B3GAT1: variants seen among roughly 807,000 people sequenced by gnomAD.
B3GAT1 encodes the protein beta-1,3-glucuronyltransferase 1.
In B3GAT1, 11 loss-of-function variants were observed where a neutral mutation model predicts 28.4. The observed-to-expected ratio is 0.39, with a 90% CI of 0.24 to 0.64. The LOEUF is 0.64. Ranked by LOEUF, B3GAT1 falls within the 30% of genes least tolerant of loss-of-function variation. The probability of loss-of-function intolerance (pLI) is 0.50; values close to 1 mark genes in which losing one functional copy is unlikely to be tolerated. For missense variants in B3GAT1, 375 were observed against 491.0 expected, an observed-to-expected ratio of 0.76 and a Z score of 2.23; for synonymous variants, 255 against 223.1, an observed-to-expected ratio of 1.14 and a Z score of -1.27.
At chr11:134,402,879 C>T (rs553143150) in intron 1 of B3GAT1, among the ~76,000 whole-genome samples, 2 of 151,244 alleles carry the variant, frequency 1.3e-5, no homozygotes, top group African/African-American at 4.9e-5. Flanking sequence ...CGTCACTGCA[C>T]TCCAGCCTGG....
At chr11:134,381,300 G>A (rs1023624405) in intron 5 of B3GAT1, among the ~76,000 whole-genome samples, 3 of 152,204 alleles carry the variant, frequency 2.0e-5, no homozygotes, top group Non-Finnish European at 4.4e-5. Context: ...GGGCTTTAAA[G>A]ACTTGAATAA....
chr11:134,383,395 G>T (rs534941714), intron 3 of B3GAT1, among the ~76,000 whole-genome samples: 2 of 152,202 alleles, frequency 1.3e-5, no homozygotes, highest in African/African-American at 4.8e-5. Context: ...GAGGTTTCTG[G>T]TAGTCACGCA....
chr11:134,387,969 A>G (rs1413854552), intron 1 of B3GAT1, 29 bp from the exon 2 acceptor site: 1 of 987,774 alleles, frequency 1.0e-6, no homozygotes, highest in African/African-American at 1.6e-5. Flanking sequence ...GCGGATAGCC[A>G]GAGACCCAGG....
intron 1 of B3GAT1, chr11:134,389,335 G>A (rs1316488057): frequency 6.6e-6 from 1 of 152,376 alleles, no homozygotes; most frequent in Non-Finnish European, 1.5e-5. Context: ...CAGGTGCTGG[G>A]CTGGGCAGCA....
intron 1 of B3GAT1, among the ~76,000 whole-genome samples, chr11:134,407,409 C>A (rs1944755709): frequency 6.6e-6 from 1 of 152,252 alleles, no homozygotes. Context: ...CTCCCCCATC[C>A]CTCTAGGTCT....
intron 1 of B3GAT1, among the ~76,000 whole-genome samples, chr11:134,405,333 C>T (rs1167533511): frequency 6.6e-6 from 1 of 152,200 alleles, no homozygotes; most frequent in Non-Finnish European, 1.5e-5. Context: ...AGGTAGGCAC[C>T]GGGCAGCCCC....
chr11:134,395,679 T>C (rs1246987816), intron 1 of B3GAT1, among the ~76,000 whole-genome samples: 3 of 152,134 alleles, frequency 2.0e-5, no homozygotes, highest in African/African-American at 7.2e-5. Flanking sequence ...CCTTCCTTGC[T>C]ACCTTTCCAT....
intron 1 of B3GAT1, chr11:134,388,383 G>T (rs1391015868): frequency 5.0e-5 from 8 of 160,924 alleles, no homozygotes; most frequent in African/African-American, 1.9e-4. Context: ...ACTTATCAAA[G>T]CCTGGATAAA....
At chr11:134,396,152 C>T (rs895202352) in intron 1 of B3GAT1, among the ~76,000 whole-genome samples, 70 of 152,208 alleles carry the variant, frequency 4.6e-4, no homozygotes, top group African/African-American at 1.6e-3. Context: ...GGAGTGATGG[C>T]CCAATGCTTT....
chr11:134,390,221 A>C (rs1279741779), intron 1 of B3GAT1: 2 of 152,220 alleles, frequency 1.3e-5, no homozygotes, highest in Non-Finnish European at 2.9e-5. Context: ...GATGCAAGTG[A>C]CTTCATGCCA....
At chr11:134,383,567 C>G in intron 3 of B3GAT1, 113 bp downstream of exon 3, 2 of 1,368,564 alleles carry the variant, frequency 1.5e-6, no homozygotes, top group Non-Finnish European at 1.9e-6. Flanking sequence ...GCTCCCAGCC[C>G]GGCTTCCCGG....
Position 134,383,823 on chromosome 11 carries a change from C to G in B3GAT1, c.478G>C (p.Asp160His). 6.3e-7 allele frequency: 1 copy of G among 1,595,378 alleles called. No homozygotes were observed. The highest frequency in any genetic ancestry group is 8.5e-7 in the Non-Finnish European group (1 of 1,172,692). The change falls in exon 3 of 6, where the codon GAC becomes CAC. Residue 160 changes from aspartate to histidine, a missense_variant. Coordinates refer to ENST00000312527, the MANE Select transcript of B3GAT1 (RefSeq NM_054025.3). ...RNYKLRGDAR[D>H]PRIPRGTMQR... The stretch of plus-strand genomic sequence containing the variant: ...ATGGTGCCCCGCGGGATGCGTGGGT[C>G]GCGGGCGTCTCCGCGCAGCTTGTAG...
Position 134,392,265 on chromosome 11 carries a change from A to G in B3GAT1, c.-281-4325T>C, listed in dbSNP as rs910640737. Reference sequence around the variant, plus strand: ...TGACTTAAGGGCCAGCACCCATGGAACTGAGTCCTGACTTAAGGGCCCGTG... The same window carrying G: ...TGACTTAAGGGCCAGCACCCATGGAGCTGAGTCCTGACTTAAGGGCCCGTG... On this transcript the variant is annotated intron_variant, in intron 1 of 5. Coordinates refer to ENST00000312527, the MANE Select transcript of B3GAT1 (RefSeq NM_054025.3). The G allele has an allele frequency of 3.9e-5, 6 of 152,140 alleles. No homozygotes were observed. The South Asian group carries it at 1.2e-3, about 32-fold the overall frequency. The allele number at this position is 152,140 out of a possible 1,614,324, so 9.4% of individuals were successfully genotyped here.
At chr11:134,385,152 A>G (rs1944245722) in intron 2 of B3GAT1, 1 of 152,212 alleles carries the variant, frequency 6.6e-6, no homozygotes, top group Non-Finnish European at 1.5e-5. Context: ...TATTATGTGG[A>G]TTAATGAGTC....
intron 3 of B3GAT1, 58 bp from the exon 4 acceptor site, chr11:134,383,064 G>C (rs995305132): frequency 6.8e-7 from 1 of 1,469,222 alleles, no homozygotes; most frequent in South Asian, 1.4e-5. Flanking sequence ...ACGGCCGCGC[G>C]TGCCCAAGGG....
At chr11:134,402,540 C>A (rs1043732573) in intron 1 of B3GAT1, among the ~76,000 whole-genome samples, 25 of 152,162 alleles carry the variant, frequency 1.6e-4, no homozygotes, top group Non-Finnish European at 1.5e-5. Flanking sequence ...CTCTGTTACA[C>A]CTGCCCTGCC....
At chr11:134,409,767 C>A (rs564166546) in intron 1 of B3GAT1, 3 of 152,538 alleles carry the variant, frequency 2.0e-5, no homozygotes, top group African/African-American at 7.2e-5. Context: ...TCCGCCAGTG[C>A]GCCTCCGTGC....
intron 1 of B3GAT1, among the ~76,000 whole-genome samples, chr11:134,397,865 T>C (rs1291727433): frequency 6.6e-6 from 1 of 151,978 alleles, no homozygotes; most frequent in African/African-American, 2.4e-5. Context: ...GAGTGGCAGT[T>C]AGGGGGCCCC....
chr11:134,392,921 C>T (rs1202731470), intron 1 of B3GAT1, among the ~76,000 whole-genome samples: 1 of 152,224 alleles, frequency 6.6e-6, no homozygotes, highest in Non-Finnish European at 1.5e-5. Context: ...TATTTAATTT[C>T]ACTCAACAAA....
Sources: gnomAD v4.1 joint callset for allele counts (sites outside exome capture counted in the v4.1 genomes callset) on GRCh38, gnomAD v4.1.1 for gene constraint, MANE v1.5 for transcripts, NCBI Gene and HGNC (gene_info 2026-07-23, HGNC 2026-07-21) for gene names.